Variants in NOS2 observed in about 807,000 individuals in gnomAD.
The protein encoded by NOS2 is nitric oxide synthase, inducible.
Under a neutral mutation model 136.0 loss-of-function variants are expected in NOS2, and 96 were observed. The ratio of observed to expected loss-of-function variants is 0.71; its 90% confidence interval spans 0.60 to 0.84. The LOEUF (loss-of-function observed/expected upper bound fraction) is 0.84. NOS2 is among the 40% of genes least tolerant of loss of function. The pLI is 0.00. For synonymous variants in NOS2, 539 were observed against 587.5 expected (o/e 0.92, Z 1.20); for missense variants, 1,237 against 1,496.9 (o/e 0.83, Z 2.87).
At chr17:27,793,570 C>A (rs1171117435) in intron 2 of NOS2, 4 of 397,318 alleles carry the variant, frequency 1.0e-5, no homozygotes, top group African/African-American at 2.1e-5. Flanking sequence ...CCAGGGCGGA[C>A]TTCGGCCCGC....
At chr17:27,777,831 G>A (rs1294158736) in intron 11 of NOS2, among the ~76,000 whole-genome samples, 1 of 152,072 alleles carries the variant, frequency 6.6e-6, no homozygotes, top group Non-Finnish European at 1.5e-5. Context: ...GATCACTTGA[G>A]GCCAGGAGTT....
intron 26 of NOS2, among the ~76,000 whole-genome samples, chr17:27,757,629 T>A (rs1477122785): frequency 6.6e-6 from 1 of 152,206 alleles, no homozygotes; most frequent in Non-Finnish European, 1.5e-5. Flanking sequence ...AGCTCTGAGA[T>A]AAATATGTTT....
At chr17:27,761,924 G>A (rs534206855) in intron 22 of NOS2, among the ~76,000 whole-genome samples, 9 of 152,166 alleles carry the variant, frequency 5.9e-5, no homozygotes, top group Non-Finnish European at 1.0e-4. Flanking sequence ...TCCTGGTCTG[G>A]GTGGCTGTTC....
At chr17:27,781,310 C>T in intron 7 of NOS2, 133 bp from the exon 8 acceptor site, 1 of 1,002,526 alleles carries the variant, frequency 1.0e-6, no homozygotes, top group Non-Finnish European at 1.4e-6. Flanking sequence ...AGCCAGCCTC[C>T]TGACATGCCT....
At chr17:27,776,819 C>A (rs1051649854) in intron 11 of NOS2, among the ~76,000 whole-genome samples, 28 of 152,104 alleles carry the variant, frequency 1.8e-4, no homozygotes, top group Admixed American at 1.6e-3. Flanking sequence ...TTTTACTTAA[C>A]TCTTATAATC....
chr17:27,780,108 GTCAGAGAGCCTTC>G (rs1335673576), intron 9 of NOS2, among the ~76,000 whole-genome samples: 3 of 152,192 alleles, frequency 2.0e-5, no homozygotes. Context: ...AGCTTGAGTG[GTCAGAGAGCCTTC>G]TCAGAGGAGG....
At position 27,760,646 on chromosome 17, in the gene NOS2, C is replaced by T. The variant is rs1908090958; in HGVS notation, c.2987G>A (p.Arg996Gln). The stretch of plus-strand genomic sequence containing the variant: ...ACCCTTGTGCTGGGAGTCATGGAGC[C>T]GTTGCTGCCAGAAACTGCGGAAGGG... ...IAPFRSFWQQ[R>Q]LHDSQHKGVR... The change falls in exon 24 of 27, where the codon CGG becomes CAG. Residue 996 changes from arginine (R) to glutamine (Q), a missense_variant. Physicochemically the swap from Arg to Gln is conservative, Grantham distance 43 (BLOSUM62 1). Coordinates refer to ENST00000313735, the MANE Select transcript of NOS2 (RefSeq NM_000625.4). 2 of 1,553,604 alleles carry T rather than the reference C, an allele frequency of 1.3e-6. No individual in the cohort carries two copies. Among genetic ancestry groups the T allele is most frequent in the Non-Finnish European group, 8.7e-7 (1 of 1,148,184 alleles).
rs1215902530 is a variant in NOS2 at position 27,778,806 on chromosome 17, T to C, written c.1180-15A>G. 4 of 1,613,736 alleles carry C rather than the reference T, an allele frequency of 2.5e-6. No individual in the cohort carries two copies. The South Asian group carries it at 4.4e-5, about 18-fold the overall frequency. ...CTGCCCACTTCCTACAGAGGCAGAG[T>C]GATAGCGGCGAGTCGGTCCCTGAAG... On this transcript the variant is annotated splice_polypyrimidine_tract_variant and intron_variant, in intron 10 of 26. Transcript: ENST00000313735.
At chr17:27,798,915 G>A (rs12453234) in intron 1 of NOS2, 33 bp from the exon 2 acceptor site, 2 of 760,060 alleles carry the variant, frequency 2.6e-6, no homozygotes, top group Non-Finnish European at 4.6e-6. Flanking sequence ...AGGGAAGGTT[G>A]AAGAAGAGTT....
chr17:27,778,870 T>C lies in NOS2; in HGVS notation c.1179+12A>G. 6.2e-7 allele frequency: 1 copy of C among 1,610,224 alleles called. No individual in the cohort carries two copies. The highest frequency in any genetic ancestry group is 8.5e-7 in the Non-Finnish European group (1 of 1,176,796). Reference sequence around the variant, plus strand: ...CACACCTTCATCTGGCCAGCTGGGCTGGCTGGGTTACCTCCAGGATGTTGT... The same window carrying C: ...CACACCTTCATCTGGCCAGCTGGGCCGGCTGGGTTACCTCCAGGATGTTGT... On this transcript the variant is annotated intron_variant, in intron 10 of 26. Coordinates refer to ENST00000313735, the MANE Select transcript of NOS2 (RefSeq NM_000625.4).
chr17:27,771,146 G>A, intron 14 of NOS2, 129 bp from the exon 15 acceptor site: 1 of 668,554 alleles, frequency 1.5e-6, no homozygotes, highest in South Asian at 1.8e-5. Flanking sequence ...GTCTCTCCCA[G>A]GGCCCGGCAC....
intron 11 of NOS2, among the ~76,000 whole-genome samples, chr17:27,777,171 G>A (rs560364649): frequency 6.6e-6 from 1 of 152,206 alleles, no homozygotes; most frequent in Non-Finnish European, 1.5e-5. Flanking sequence ...CAGTCATGGG[G>A]AACAGTGTGT....
At position 27,770,868 on chromosome 17, in the gene NOS2, C is replaced by T. The variant is rs780522307; in HGVS notation, c.1809+45G>A. The T allele has an allele frequency of 1.2e-5, 17 of 1,455,492 alleles. No individual in the cohort carries two copies. The East Asian group carries it at 2.8e-4, about 24-fold the overall frequency. The allele number at this position is 1,455,492 out of a possible 1,614,324, so 90.2% of individuals were successfully genotyped here. On this transcript the variant is annotated intron_variant, in intron 15 of 26. Transcript: ENST00000313735. ...CCCCAGACCCTTTCCTGGGTCCTCC[C>T]GTGCCCTACCACCCCCTAGACCAGC...
At chr17:27,763,917 CTCTGGCT>C (rs1171150520) in intron 21 of NOS2, 57 bp downstream of exon 21, 1 of 1,376,422 alleles carries the variant, frequency 7.3e-7, no homozygotes, top group Non-Finnish European at 9.9e-7. Context: ...CAGCTCTGGA[CTCTGGCT>C]CCCCACATGC....
chr17:27,764,526 C>T (rs28944180), intron 20 of NOS2, among the ~76,000 whole-genome samples: 3,050 of 152,330 alleles, frequency 0.02, 101 homozygotes, highest in African/African-American at 0.07. Flanking sequence ...TGACTGCAGT[C>T]CCCTGGGTGC....
chr17:27,797,144 TC>T, intron 2 of NOS2, among the ~76,000 whole-genome samples: 1 of 152,262 alleles, frequency 6.6e-6, no homozygotes, highest in Non-Finnish European at 1.5e-5. Context: ...TCTCCCCTCT[TC>T]CTGAATGTCC....
At chr17:27,776,226 G>A (rs1908652752) in intron 11 of NOS2, among the ~76,000 whole-genome samples, 1 of 152,210 alleles carries the variant, frequency 6.6e-6, no homozygotes, top group Non-Finnish European at 1.5e-5. Context: ...TCAGGCCTGG[G>A]AAGGCCAGCC....
chr17:27,774,312 G>A lies in NOS2; in HGVS notation c.1421C>T (p.Pro474Leu), dbSNP rs1222467364. The A allele has an allele frequency of 6.4e-7, 1 of 1,574,188 alleles. No individual in the cohort carries two copies. Among genetic ancestry groups the A allele is most frequent in the South Asian group, 1.2e-5 (1 of 84,198 alleles). ...LVPPMSGSIT[P>L]VFHQEMLNYV... ...GTTCAGCATCTCCTGGTGAAACACG[G>A]GGGTGATGCTCCCAGACATGGGAGG... Residue 474 changes from proline to leucine, a missense_variant, in exon 12 of 27, where the codon CCC becomes CTC. Around this residue, in one of 3 missense-constraint regions of NOS2, gnomAD observed 782 missense variants for 909.9 expected, o/e 0.86. Transcript: ENST00000313735.
At position 27,781,127 on chromosome 17, in the gene NOS2, CG is replaced by C; in HGVS notation, c.772del (p.Arg258GlyfsTer87). The C allele has an allele frequency of 6.2e-7, 1 of 1,612,808 alleles. No individual in the cohort carries two copies. The highest frequency in any genetic ancestry group is 1.6e-4 in the Middle Eastern group (1 of 6,062). The part of the protein sequence containing the change: ...PQRSDGKHDF[R>X]VWNAQLIRYA... Reference sequence around the variant, plus strand: ...GCGGATGAGCTGAGCATTCCACACCCGGAAGTCGTGCTTGCCATCACTCCGC... The same window carrying C: ...GCGGATGAGCTGAGCATTCCACACCCGAAGTCGTGCTTGCCATCACTCCGC... On this transcript the variant is annotated frameshift_variant, in exon 8 of 27. Coordinates refer to ENST00000313735, the MANE Select transcript of NOS2 (RefSeq NM_000625.4). LOFTEE classifies it high-confidence loss of function.
Sources: allele counts gnomAD v4.1 joint callset (sites outside exome capture counted in the v4.1 genomes callset), GRCh38; gene constraint gnomAD v4.1.1; regional missense constraint gnomAD v4.1.1; transcripts MANE v1.5; gene names NCBI Gene and HGNC (gene_info 2026-07-23, HGNC 2026-07-21).